PTPRN2: variants seen among roughly 807,000 people sequenced by gnomAD.
PTPRN2 encodes the protein receptor-type tyrosine-protein phosphatase N2.
A neutral mutation model predicts 118.8 loss-of-function variants in PTPRN2; 74 were observed. The ratio of observed to expected loss-of-function variants is 0.62; its 90% CI spans 0.52 to 0.76. The LOEUF is 0.76. Among genes scored for constraint, PTPRN2 ranks in the 30% least tolerant of loss-of-function variants. PTPRN2 has a pLI of 0.00. For synonymous variants in PTPRN2, 641 were observed against 608.0 expected, an observed-to-expected ratio of 1.05 and a Z score of -0.80; for missense variants, 1,481 against 1,394.4, an observed-to-expected ratio of 1.06 and a Z score of -0.99.
chr7:158,265,852 C>T (rs1336907722), intron 3 of PTPRN2, among the ~76,000 whole-genome samples: 1 of 152,218 alleles, frequency 6.6e-6, no homozygotes, highest in Non-Finnish European at 1.5e-5. Context: ...GGTGGAGGCC[C>T]ACAGAGCCCC....
At chr7:157,556,633 G>GCA (rs1377418880) in intron 21 of PTPRN2, among the ~76,000 whole-genome samples, 4 of 149,012 alleles carry the variant, frequency 2.7e-5, no homozygotes, top group Non-Finnish European at 4.5e-5. Flanking sequence ...ATATGCACAT[G>GCA]CACACACACA....
At chr7:158,522,316 G>T (rs1195867213) in intron 1 of PTPRN2, among the ~76,000 whole-genome samples, 1 of 104,934 alleles carries the variant, frequency 9.5e-6, no homozygotes, top group African/African-American at 4.0e-5. Context: ...GACTGTCCGG[G>T]TAGTGGCTCG....
intron 11 of PTPRN2, among the ~76,000 whole-genome samples, chr7:157,899,487 T>C (rs1287765535): frequency 6.6e-6 from 1 of 152,198 alleles, no homozygotes; most frequent in Non-Finnish European, 1.5e-5. Context: ...AAATATGCGT[T>C]TGCATAAAGC....
chr7:158,168,609 T>C (rs1406065386), intron 5 of PTPRN2, among the ~76,000 whole-genome samples: 1 of 152,226 alleles, frequency 6.6e-6, no homozygotes, highest in Non-Finnish European at 1.5e-5. Context: ...TGCTGCCTGC[T>C]CTTTTAACTG....
chr7:157,682,946 C>T lies in PTPRN2; in HGVS notation c.1789-9G>A. On this transcript the variant is annotated splice_polypyrimidine_tract_variant and intron_variant, in intron 12 of 22. Transcript: ENST00000389418. ...AACTTGAGTTTGCTTTTCTGCAGAACAAGGAGAGAGGGGTGTGTTAGCTCC... is the reference window on the plus strand; with the variant it reads ...AACTTGAGTTTGCTTTTCTGCAGAATAAGGAGAGAGGGGTGTGTTAGCTCC... 6.3e-7 allele frequency: 1 copy of T among 1,597,204 alleles called. No homozygotes were observed. The highest frequency in any genetic ancestry group is 8.6e-7 in the Non-Finnish European group (1 of 1,165,580).
intron 11 of PTPRN2, among the ~76,000 whole-genome samples, chr7:158,024,273 C>G (rs949104367): frequency 6.6e-6 from 1 of 152,178 alleles, no homozygotes; most frequent in African/African-American, 2.4e-5. Flanking sequence ...ATCTGGATGG[C>G]CAGTGCTGAC....
At chr7:158,084,193 T>G (rs116520439) in intron 10 of PTPRN2, among the ~76,000 whole-genome samples, 5,869 of 152,264 alleles carry the variant, frequency 0.039, 366 homozygotes, top group African/African-American at 0.13. Flanking sequence ...GCTGAGCTGC[T>G]GGCTCTGCCC....
At chr7:158,202,165 G>A (rs1826692718) in intron 4 of PTPRN2, among the ~76,000 whole-genome samples, 1 of 151,962 alleles carries the variant, frequency 6.6e-6, no homozygotes, top group African/African-American at 2.4e-5. Flanking sequence ...TATAAATGAA[G>A]AACATTCCTA....
chr7:158,136,568 T>C (rs1818839025), intron 8 of PTPRN2, 87 bp downstream of exon 8: 2 of 1,361,342 alleles, frequency 1.5e-6, no homozygotes, highest in Non-Finnish European at 2.1e-6. Context: ...AAAACTTTTG[T>C]ATTTCATAAA....
intron 3 of PTPRN2, among the ~76,000 whole-genome samples, chr7:158,226,953 G>A (rs945146039): frequency 6.6e-6 from 1 of 152,026 alleles, no homozygotes; most frequent in Non-Finnish European, 1.5e-5. Context: ...GAGGGAGCCA[G>A]GCTGAGGAAC....
intron 2 of PTPRN2, among the ~76,000 whole-genome samples, chr7:158,397,538 T>C (rs1227578812): frequency 1.3e-5 from 2 of 152,144 alleles, no homozygotes; most frequent in Non-Finnish European, 2.9e-5. Context: ...AGAGAAATAG[T>C]GTGTCCTGCC....
At chr7:157,803,505 T>C (rs1805445972) in intron 12 of PTPRN2, among the ~76,000 whole-genome samples, 1 of 152,198 alleles carries the variant, frequency 6.6e-6, no homozygotes, top group African/African-American at 2.4e-5. Flanking sequence ...CAAGAAACCT[T>C]TGCCTAGATG....
At chr7:158,351,341 C>T (rs1275553106) in intron 2 of PTPRN2, among the ~76,000 whole-genome samples, 1 of 152,100 alleles carries the variant, frequency 6.6e-6, no homozygotes, top group East Asian at 1.9e-4. Flanking sequence ...CTCAGTTGGG[C>T]CCCATCCCTG....
intron 1 of PTPRN2, among the ~76,000 whole-genome samples, chr7:158,580,207 TG>T (rs1415863600): frequency 3.3e-5 from 5 of 152,246 alleles, no homozygotes; most frequent in African/African-American, 1.2e-4. Context: ...GTACACATTG[TG>T]GGGTCAGCCT....
chr7:158,203,146 T>C (rs1387896093), intron 4 of PTPRN2, among the ~76,000 whole-genome samples: 2 of 143,744 alleles, frequency 1.4e-5, no homozygotes, highest in Non-Finnish European at 3.0e-5. Context: ...GCAAGAGAAT[T>C]GCTTGAACCC....
At position 158,378,054 on chromosome 7, in the gene PTPRN2, C is replaced by T. The variant is rs561563897; in HGVS notation, c.164-61122G>A. ...AGCTGTGGGTTTTCCAGGTGTGACA[C>T]GGCAGGTCCTGGACCTGGCTCCGGG... On this transcript the variant is annotated intron_variant, in intron 2 of 22. Transcript: ENST00000389418. Among the ~76,000 whole-genome samples, 43 of 152,302 alleles carry T rather than the reference C, an allele frequency of 2.8e-4. No individual in the cohort carries two copies. The East Asian group carries it at 5.8e-3, about 21-fold the overall frequency.
intron 15 of PTPRN2, among the ~76,000 whole-genome samples, chr7:157,607,491 G>C (rs947989849): frequency 3.9e-5 from 6 of 152,270 alleles, no homozygotes; most frequent in Non-Finnish European, 7.3e-5. Flanking sequence ...ACCAAGAGCA[G>C]GGTCAGGAGG....
At chr7:158,539,486 A>T (rs1825845805) in intron 1 of PTPRN2, 1 of 152,526 alleles carries the variant, frequency 6.6e-6, no homozygotes. Flanking sequence ...CCTGTCCTGG[A>T]TGTGGTCTCA....
chr7:158,021,420 C>T (rs1806861142), intron 11 of PTPRN2, among the ~76,000 whole-genome samples: 1 of 152,152 alleles, frequency 6.6e-6, no homozygotes, highest in African/African-American at 2.4e-5. Context: ...ATCAGTGATG[C>T]CGGCAAAAAC....
Sources: gnomAD v4.1 joint callset for allele counts (sites outside exome capture counted in the v4.1 genomes callset) on GRCh38, gnomAD v4.1.1 for gene constraint, MANE v1.5 for transcripts, NCBI Gene and HGNC (gene_info 2026-07-23, HGNC 2026-07-21) for gene names.